Variants in PLEKHM3 observed in about 807,000 individuals in gnomAD.
PLEKHM3 encodes pleckstrin homology domain containing M3.
In PLEKHM3, 45 loss-of-function variants were observed where a neutral mutation model predicts 81.8. The observed-to-expected ratio is 0.55, with a 90% CI of 0.43 to 0.71. The LOEUF (loss-of-function observed/expected upper bound fraction) is 0.71, where lower values mean the gene tolerates loss of function less well. Ranked by LOEUF, PLEKHM3 falls within the 30% of genes least tolerant of loss-of-function variation. PLEKHM3 has a pLI of 0.00. For missense variants in PLEKHM3, 788 were observed against 924.3 expected (o/e 0.85, Z 1.91); for synonymous variants, 352 against 356.4 (o/e 0.99, Z 0.14).
intron 3 of PLEKHM3, among the ~76,000 whole-genome samples, chr2:207,959,661 C>T (rs115332871): frequency 6.6e-6 from 1 of 152,312 alleles, no homozygotes; most frequent in African/African-American, 2.4e-5. Context: ...GAAAACAAAA[C>T]CTGTCCTCTC....
At chr2:207,992,155 G>A (rs1691920509) in intron 2 of PLEKHM3, among the ~76,000 whole-genome samples, 1 of 152,184 alleles carries the variant, frequency 6.6e-6, no homozygotes, top group Non-Finnish European at 1.5e-5. Context: ...GAGGGAATGA[G>A]TCCTAGCCTT....
intron 4 of PLEKHM3, among the ~76,000 whole-genome samples, chr2:207,934,885 G>A (rs751053169): frequency 2.6e-5 from 4 of 152,194 alleles, no homozygotes; most frequent in African/African-American, 4.8e-5. Context: ...TGTTGTTCAG[G>A]TTTGCGTAAT....
intron 3 of PLEKHM3, among the ~76,000 whole-genome samples, chr2:207,974,004 T>A (rs978112389): frequency 2.6e-5 from 4 of 152,080 alleles, no homozygotes; most frequent in Non-Finnish European, 5.9e-5. Context: ...AGCACAAAGT[T>A]AAAAGTCAAG....
chr2:207,945,056 C>T (rs1690077160), intron 4 of PLEKHM3, among the ~76,000 whole-genome samples: 1 of 152,236 alleles, frequency 6.6e-6, no homozygotes, highest in African/African-American at 2.4e-5. Context: ...TCCCACCACT[C>T]CATTCAAACT....
At chr2:207,896,656 G>A (rs1559226041) in intron 6 of PLEKHM3, among the ~76,000 whole-genome samples, 1 of 152,172 alleles carries the variant, frequency 6.6e-6, no homozygotes, top group Non-Finnish European at 1.5e-5. Flanking sequence ...AATGTTAAAG[G>A]AAGCTAGAAA....
intron 7 of PLEKHM3, among the ~76,000 whole-genome samples, chr2:207,853,788 T>G (rs972288626): frequency 6.6e-6 from 1 of 152,054 alleles, no homozygotes; most frequent in African/African-American, 2.4e-5. Context: ...TTATTTTTTT[T>G]TTGACAAAGT....
At position 207,931,109 on chromosome 2, in the gene PLEKHM3, T is replaced by A; in HGVS notation, c.1703A>T (p.Gln568Leu). Residue 568 changes from glutamine to leucine, a missense_variant, in exon 5 of 8, where the codon CAG (glutamine) becomes CTG (leucine). Gln to Leu is a moderately radical substitution (Grantham distance 113). Coordinates refer to ENST00000427836, the MANE Select transcript of PLEKHM3 (RefSeq NM_001080475.3). ...CACGTACTCCAGAAACTCCTTGGCC[T>A]GCTTCGACACCTACAAAACAAGCGT... ...WDTSKYKVSK[Q>L]AKEFLEYVYE... 1 of 1,610,126 alleles carries A rather than the reference T, an allele frequency of 6.2e-7. No individual in the cohort carries two copies. The highest frequency in any genetic ancestry group is 8.5e-7 in the Non-Finnish European group (1 of 1,177,516).
intron 2 of PLEKHM3, among the ~76,000 whole-genome samples, chr2:207,981,502 T>A (rs576440704): frequency 7.2e-5 from 11 of 152,242 alleles, no homozygotes; most frequent in African/African-American, 2.6e-4. Context: ...CACATCATGA[T>A]ACCTGGCTTA....
intron 6 of PLEKHM3, chr2:207,900,358 G>A (rs1688380584): frequency 1.3e-5 from 2 of 152,230 alleles, no homozygotes; most frequent in Non-Finnish European, 2.9e-5. Context: ...TCTCCAGACA[G>A]CACCAGGTTG....
chr2:207,929,526 A>G (rs1290905593), intron 5 of PLEKHM3, among the ~76,000 whole-genome samples: 1 of 152,244 alleles, frequency 6.6e-6, no homozygotes, highest in African/African-American at 2.4e-5. Flanking sequence ...TTGAACATTA[A>G]AAATCTTGTA....
intron 1 of PLEKHM3, among the ~76,000 whole-genome samples, chr2:208,003,155 T>C (rs919360184): frequency 2.0e-5 from 3 of 152,302 alleles, no homozygotes; most frequent in Middle Eastern, 3.4e-3. Flanking sequence ...TGAGATCTGA[T>C]AGTTTAAAAA....
chr2:208,018,925 G>A (rs1693022269), intron 1 of PLEKHM3, among the ~76,000 whole-genome samples: 1 of 152,032 alleles, frequency 6.6e-6, no homozygotes, highest in Admixed American at 6.6e-5. Flanking sequence ...GAGGCCAGGA[G>A]CAGTAGCTGA....
chr2:208,023,869 A>G (rs1422923530), intron 1 of PLEKHM3, among the ~76,000 whole-genome samples: 1 of 93,948 alleles, frequency 1.1e-5, no homozygotes, highest in African/African-American at 2.6e-5. Context: ...TATTTTATAT[A>G]TTTATTAACA....
chr2:207,923,565 C>A (rs1327891043), intron 5 of PLEKHM3, among the ~76,000 whole-genome samples: 1 of 152,026 alleles, frequency 6.6e-6, no homozygotes, highest in African/African-American at 2.4e-5. Flanking sequence ...CGAGATGGCA[C>A]CATTGCACTC....
intron 6 of PLEKHM3, among the ~76,000 whole-genome samples, chr2:207,883,326 G>C (rs1687766396): frequency 6.6e-6 from 1 of 152,142 alleles, no homozygotes; most frequent in Non-Finnish European, 1.5e-5. Context: ...AGAGTCCAAT[G>C]GTGAGGTTCT....
chr2:208,013,123 T>C (rs1327720765), intron 1 of PLEKHM3, among the ~76,000 whole-genome samples: 1 of 152,132 alleles, frequency 6.6e-6, no homozygotes, highest in African/African-American at 2.4e-5. Context: ...CAGAACACAA[T>C]TAAATGACAA....
intron 3 of PLEKHM3, among the ~76,000 whole-genome samples, chr2:207,948,973 G>T (rs1490745519): frequency 7.3e-6 from 1 of 136,640 alleles, no homozygotes; most frequent in African/African-American, 2.7e-5. Flanking sequence ...CACCATGCCC[G>T]GTCCAGATCT....
At chr2:208,007,720 C>A (rs1692542600) in intron 1 of PLEKHM3, among the ~76,000 whole-genome samples, 1 of 151,304 alleles carries the variant, frequency 6.6e-6, no homozygotes, top group South Asian at 2.1e-4. Context: ...GAGTTCAAGA[C>A]CAGCCTAGGC....
At chr2:207,874,592 C>A (rs2092551578) in intron 6 of PLEKHM3, among the ~76,000 whole-genome samples, 1 of 150,114 alleles carries the variant, frequency 6.7e-6, no homozygotes, top group Non-Finnish European at 1.5e-5. Flanking sequence ...AACAAAAAAA[C>A]TGTATTTTCT....
Sources: allele counts gnomAD v4.1 joint callset (sites outside exome capture counted in the v4.1 genomes callset), GRCh38; gene constraint gnomAD v4.1.1; transcripts MANE v1.5; gene names NCBI Gene and HGNC (gene_info 2026-07-23, HGNC 2026-07-21).